Variants in PALLD observed in about 807,000 individuals in gnomAD.
PALLD encodes the protein palladin, cytoskeletal associated protein.
A neutral mutation model predicts 123.5 loss-of-function variants in PALLD; 61 were observed. That is an observed-to-expected ratio of 0.49 (90% confidence interval 0.40 to 0.61). The LOEUF (loss-of-function observed/expected upper bound fraction) is 0.61. Ranked by LOEUF, PALLD falls within the 20% of genes least tolerant of loss-of-function variation. The probability of loss-of-function intolerance (pLI) is 0.00; values close to 1 mark genes in which losing one functional copy is unlikely to be tolerated. For missense variants in PALLD, 1,273 were observed against 1,377.0 expected, an observed-to-expected ratio of 0.92 and a Z score of 1.20; for synonymous variants, 465 against 496.4, an observed-to-expected ratio of 0.94 and a Z score of 0.84.
Position 168,769,291 on chromosome 4 carries a change from G to A in PALLD, c.1964+57368G>A, listed in dbSNP as rs6816749. Among the ~76,000 whole-genome samples the A allele has an allele frequency of 8.2e-3, 1,247 of 152,310 alleles. 9 individuals are homozygous for A. The highest frequency in any genetic ancestry group is 0.028 in the African/African-American group (1,151 of 41,566). On this transcript the variant is annotated intron_variant, in intron 10 of 21. Coordinates refer to ENST00000505667, the MANE Select transcript of PALLD (RefSeq NM_001166108.2). ...GCACATGCCTGCCCTGGAGCTATCC[G>A]TTAGAACTGTCCTCACAGTGACGTG...
chr4:168,742,637 G>T (rs1348350601), intron 10 of PALLD, among the ~76,000 whole-genome samples: 1 of 152,090 alleles, frequency 6.6e-6, no homozygotes, highest in African/African-American at 2.4e-5. Flanking sequence ...TCCCAACTAT[G>T]GTGAAAGAAA....
intron 10 of PALLD, among the ~76,000 whole-genome samples, chr4:168,816,413 A>AT (rs1554088403): frequency 0.01 from 1,376 of 135,974 alleles, 6 homozygotes; most frequent in Middle Eastern, 0.022. Flanking sequence ...ATATATATAT[A>AT]TTTTTTTTAA....
chr4:168,534,125 G>A (rs960468646), intron 2 of PALLD, among the ~76,000 whole-genome samples: 5 of 152,190 alleles, frequency 3.3e-5, no homozygotes, highest in Admixed American at 1.3e-4. Flanking sequence ...ACTTTATCTA[G>A]ATTTCTGGAG....
chr4:168,681,393 G>A lies in PALLD; in HGVS notation c.1149G>A (p.Met383Ile). 6.3e-7 allele frequency: 1 copy of A among 1,594,362 alleles called. No individual in the cohort carries two copies. The highest frequency in any genetic ancestry group is 8.6e-7 in the Non-Finnish European group (1 of 1,162,302). ...SLAFKSRAGAMPQAQKKTTSV... is the reference protein window; with the variant it reads ...SLAFKSRAGAIPQAQKKTTSV... ...CTTTCAAATCAAGAGCTGGAGCTAT[G>A]CCACAGTAAGTGCCTACAATTCCAT... The change falls in exon 4 of 22, where the codon ATG becomes ATA. Residue 383 changes from methionine (M) to isoleucine (I), a missense_variant. Transcript: ENST00000505667.
chr4:168,750,106 C>T (rs1011749018), intron 10 of PALLD, among the ~76,000 whole-genome samples: 6 of 151,986 alleles, frequency 3.9e-5, no homozygotes, highest in Admixed American at 3.9e-4. Context: ...TGCCACCACA[C>T]CCAGCTAATT....
At chr4:168,922,349 CTCTTT>C (rs1761752533) in intron 18 of PALLD, among the ~76,000 whole-genome samples, 1 of 152,156 alleles carries the variant, frequency 6.6e-6, no homozygotes. Flanking sequence ...AGTACCTGAT[CTCTTT>C]TAAGAAAGAA....
chr4:168,676,617 G>A (rs1000704516), intron 3 of PALLD, among the ~76,000 whole-genome samples: 9 of 150,654 alleles, frequency 6.0e-5, no homozygotes, highest in African/African-American at 2.0e-4. Context: ...TCGCTCTGTC[G>A]CTCTGTTGCC....
chr4:168,726,414 T>C (rs957729789), intron 10 of PALLD, among the ~76,000 whole-genome samples: 1 of 152,234 alleles, frequency 6.6e-6, no homozygotes, highest in African/African-American at 2.4e-5. Flanking sequence ...GTGTTCACTT[T>C]ATTTTTATTA....
chr4:168,512,473 T>C (rs1762610767), intron 2 of PALLD, 61 bp downstream of exon 2: 2 of 1,431,194 alleles, frequency 1.4e-6, no homozygotes, highest in South Asian at 2.4e-5. Flanking sequence ...TACTTTAATA[T>C]GGGAGGAAGA....
At chr4:168,674,933 G>A (rs28753785) in intron 3 of PALLD, among the ~76,000 whole-genome samples, 4,062 of 152,272 alleles carry the variant, frequency 0.027, 180 homozygotes, top group African/African-American at 0.093. Flanking sequence ...GATCATGCAG[G>A]AGGGAGGAGA....
chr4:168,728,172 T>A (rs1481788337), intron 10 of PALLD, among the ~76,000 whole-genome samples: 1 of 152,240 alleles, frequency 6.6e-6, no homozygotes, highest in African/African-American at 2.4e-5. Context: ...TTGTTTGGGA[T>A]TGCTTTGGCT....
chr4:168,525,715 A>C (rs1382342925), intron 2 of PALLD, among the ~76,000 whole-genome samples: 1 of 152,234 alleles, frequency 6.6e-6, no homozygotes, highest in Non-Finnish European at 1.5e-5. Flanking sequence ...CATCACCCTT[A>C]GTAATAGTTT....
intron 10 of PALLD, among the ~76,000 whole-genome samples, chr4:168,825,620 G>T (rs778217062): frequency 1.3e-5 from 2 of 152,164 alleles, no homozygotes; most frequent in Non-Finnish European, 2.9e-5. Flanking sequence ...TCCTTCTTGT[G>T]ATAGTCCCCT....
chr4:168,499,280 GA>G (rs1761110783), intron 1 of PALLD, among the ~76,000 whole-genome samples: 1 of 61,090 alleles, frequency 1.6e-5, no homozygotes, highest in Non-Finnish European at 3.3e-5. Context: ...GGATGGGAGG[GA>G]GGATGGGAGG....
chr4:168,664,246 A>T (rs1779404566), intron 2 of PALLD, among the ~76,000 whole-genome samples: 1 of 151,040 alleles, frequency 6.6e-6, no homozygotes, highest in Non-Finnish European at 1.5e-5. Flanking sequence ...CTTTAAAAAA[A>T]TAAATTAAGA....
intron 2 of PALLD, among the ~76,000 whole-genome samples, chr4:168,638,961 A>G (rs556699661): frequency 6.6e-5 from 10 of 152,054 alleles, no homozygotes; most frequent in African/African-American, 2.2e-4. Context: ...CACTCCACAC[A>G]TTCCTCTTTG....
chr4:168,522,241 A>T (rs375747646), intron 2 of PALLD, among the ~76,000 whole-genome samples: 78 of 152,362 alleles, frequency 5.1e-4, no homozygotes, highest in African/African-American at 1.9e-3. Flanking sequence ...TAATTTCAGC[A>T]GGAAGAAAAA....
chr4:168,555,126 A>G (rs938595156), intron 2 of PALLD, among the ~76,000 whole-genome samples: 1 of 152,246 alleles, frequency 6.6e-6, no homozygotes, highest in African/African-American at 2.4e-5. Context: ...AAAGAAAGAA[A>G]CATGTAGATC....
At chr4:168,504,254 C>G (rs762631983) in intron 1 of PALLD, among the ~76,000 whole-genome samples, 3 of 152,174 alleles carry the variant, frequency 2.0e-5, no homozygotes, top group Non-Finnish European at 2.9e-5. Context: ...GAGTCATTTC[C>G]TCCATGGTGA....
Sources: gnomAD v4.1 joint callset for allele counts (sites outside exome capture counted in the v4.1 genomes callset) on GRCh38, gnomAD v4.1.1 for gene constraint, MANE v1.5 for transcripts, NCBI Gene and HGNC (gene_info 2026-07-23, HGNC 2026-07-21) for gene names.